Variants in NCR3LG1 observed in about 807,000 individuals in gnomAD.
NCR3LG1 encodes the protein natural killer cell cytotoxicity receptor 3 ligand 1.
NCR3LG1 carries 35 observed loss-of-function variants against 34.8 expected under a neutral mutation model. The observed-to-expected ratio is 1.01, with a 90% CI of 0.77 to 1.33. NCR3LG1 has a LOEUF of 1.33. NCR3LG1 is among the 40% of genes most tolerant of loss of function. NCR3LG1 has a pLI of 0.00. For missense variants in NCR3LG1, 452 were observed against 423.3 expected (o/e 1.07, Z -0.60); for synonymous variants, 173 against 163.6 (o/e 1.06, Z -0.44).
At chr11:17,358,657 T>C (rs1029838135) in intron 2 of NCR3LG1, among the ~76,000 whole-genome samples, 4 of 152,328 alleles carry the variant, frequency 2.6e-5, no homozygotes, top group Admixed American at 1.3e-4. Flanking sequence ...GGGTTACTTA[T>C]GTTCTTCCTC....
chr11:17,367,863 G>C (rs1310801739), intron 3 of NCR3LG1, among the ~76,000 whole-genome samples: 2 of 150,316 alleles, frequency 1.3e-5, no homozygotes, highest in African/African-American at 2.5e-5. Context: ...TTGTTGCCCA[G>C]GCTGGAGTGT....
chr11:17,365,349 T>G (rs1165812436), intron 2 of NCR3LG1, among the ~76,000 whole-genome samples: 1 of 152,238 alleles, frequency 6.6e-6, no homozygotes, highest in East Asian at 1.9e-4. Context: ...CTCTCTCACT[T>G]ATAATCTTCT....
chr11:17,371,122 C>G (rs1953400905), intron 4 of NCR3LG1, among the ~76,000 whole-genome samples: 1 of 151,812 alleles, frequency 6.6e-6, no homozygotes, highest in Non-Finnish European at 1.5e-5. Flanking sequence ...TCAGCATTGC[C>G]CAATGAATTT....
intron 2 of NCR3LG1, among the ~76,000 whole-genome samples, chr11:17,366,060 G>A (rs765850930): frequency 2.0e-5 from 3 of 152,202 alleles, no homozygotes; most frequent in Non-Finnish European, 4.4e-5. Context: ...ATTATAGGGT[G>A]GGAGTGATGA....
At position 17,372,404 on chromosome 11, in the gene NCR3LG1, T is replaced by A. The variant is rs768754182; in HGVS notation, c.1257T>A (p.Asp419Glu). Reference protein sequence around the residue: ...TPREHSDAVPDAPILPVSPIW... With the variant: ...TPREHSDAVPEAPILPVSPIW... ...GGGAACACTCGGATGCAGTTCCGGA[T>A]GCCCCAATCCTTCCTGTCTCCCCTA... is the stretch of plus-strand genomic sequence containing the variant. The change falls in exon 5 of 5, where the codon GAT (aspartate) becomes GAA (glutamate). Residue 419 changes from aspartate (D) to glutamate (E), a missense_variant. Coordinates refer to ENST00000338965, the MANE Select transcript of NCR3LG1 (RefSeq NM_001202439.3). The A allele has an allele frequency of 1.0e-5, 7 of 703,232 alleles. No individual in the cohort carries two copies. The highest frequency in any genetic ancestry group is 4.6e-4 in the Middle Eastern group (2 of 4,372). The allele number at this position is 703,232 out of a possible 1,614,324, so 43.6% of individuals were successfully genotyped here.
At chr11:17,353,463 G>A (rs1953164066) in intron 1 of NCR3LG1, among the ~76,000 whole-genome samples, 1 of 151,354 alleles carries the variant, frequency 6.6e-6, no homozygotes, top group Non-Finnish European at 1.5e-5. Context: ...AAACGCCTCC[G>A]CGCTCTATCA....
intron 3 of NCR3LG1, 80 bp downstream of exon 3, chr11:17,367,427 T>A: frequency 1.7e-6 from 2 of 1,193,152 alleles, no homozygotes; most frequent in Non-Finnish European, 2.3e-6. Flanking sequence ...ACAGCCTGGG[T>A]CTTAGCTGGG....
intron 2 of NCR3LG1, among the ~76,000 whole-genome samples, chr11:17,357,356 T>C (rs929415328): frequency 3.9e-5 from 6 of 152,156 alleles, no homozygotes; most frequent in Admixed American, 2.0e-4. Context: ...CCTCTTCTTA[T>C]AAGGATACCA....
downstream of NCR3LG1, among the ~76,000 whole-genome samples, chr11:17,379,909 C>G (rs1953504977): frequency 6.6e-6 from 1 of 152,112 alleles, no homozygotes; most frequent in Non-Finnish European, 1.5e-5. Flanking sequence ...CGAGAGAGAG[C>G]CTGTGTGAGG....
chr11:17,354,545 CTTTTT>C (rs71047545), intron 1 of NCR3LG1, among the ~76,000 whole-genome samples: 85 of 70,306 alleles, frequency 1.2e-3, no homozygotes, highest in African/African-American at 2.4e-3. Flanking sequence ...AATTCTTCTT[CTTTTT>C]TTTTTTTTTT....
In NCR3LG1 at chr11:17,372,401, G is replaced by A. The variant is rs928338669; in HGVS notation, c.1254G>A (p.Pro418=). The part of the protein sequence containing the change: ...QTPREHSDAV[P]DAPILPVSPI... The stretch of plus-strand genomic sequence containing the variant: ...CTAGGGAACACTCGGATGCAGTTCC[G>A]GATGCCCCAATCCTTCCTGTCTCCC... The change falls in exon 5 of 5, where the codon CCG becomes CCA. Residue 418 remains proline (P), a synonymous_variant. Transcript: ENST00000338965. The A allele has an allele frequency of 1.0e-5, 7 of 703,138 alleles. No individual in the cohort carries two copies. Among genetic ancestry groups the A allele is most frequent in the East Asian group, 2.7e-5 (1 of 37,280 alleles). 43.6% of individuals were successfully genotyped at this position (703,138 alleles called of 1,614,324 possible).
At chr11:17,370,143 C>A (rs2133361835) in intron 4 of NCR3LG1, among the ~76,000 whole-genome samples, 1 of 152,330 alleles carries the variant, frequency 6.6e-6, no homozygotes, top group East Asian at 1.9e-4. Flanking sequence ...TGGGGTGGAG[C>A]TACCAGAAAT....
At chr11:17,369,004 G>A in intron 4 of NCR3LG1, 40 bp downstream of exon 4, 1 of 1,373,696 alleles carries the variant, frequency 7.3e-7, no homozygotes, top group Non-Finnish European at 9.8e-7. Context: ...TGTGTCTTGG[G>A]CTAGTAAAAA....
chr11:17,353,368 G>GA (rs1464421303), intron 1 of NCR3LG1, among the ~76,000 whole-genome samples: 17 of 152,228 alleles, frequency 1.1e-4, no homozygotes, highest in African/African-American at 4.1e-4. Context: ...CGGTGAAGTG[G>GA]AAAGCCAAAA....
In NCR3LG1 at chr11:17,351,805, T is replaced by C; in HGVS notation, c.-165T>C. The C allele has an allele frequency of 1.8e-6, 1 of 544,744 alleles. No individual in the cohort carries two copies. The highest frequency in any genetic ancestry group is 3.2e-6 in the Non-Finnish European group (1 of 308,956). The allele number at this position is 544,744 out of a possible 1,614,324, so 33.7% of individuals were successfully genotyped here. ...TGGGAAATCCAGGCGACTTCGCAGT[T>C]GCCGAAGGGATCTGAAGAAGTGGGA... On this transcript the variant is annotated 5_prime_UTR_variant, in exon 1 of 5. Coordinates refer to ENST00000338965, the MANE Select transcript of NCR3LG1 (RefSeq NM_001202439.3).
chr11:17,356,772 C>A lies in NCR3LG1; in HGVS notation c.192C>A (p.Thr64=). ...TCAACATCACGTCTATGGGTATCAC[C>A]TGGTTTTGGAAGAGTCTGACGTTTG... ...QPLNITSMGI[T]WFWKSLTFDK... Residue 64 remains threonine, a synonymous_variant, in exon 2 of 5, where the codon ACC becomes ACA. Transcript: ENST00000338965. The A allele has an allele frequency of 6.5e-7, 1 of 1,536,322 alleles. No individual in the cohort carries two copies. Among genetic ancestry groups the A allele is most frequent in the Non-Finnish European group, 8.7e-7 (1 of 1,146,938 alleles).
intron 2 of NCR3LG1, among the ~76,000 whole-genome samples, chr11:17,358,085 G>A (rs2133343859): frequency 1.3e-5 from 2 of 152,230 alleles, no homozygotes; most frequent in Middle Eastern, 3.4e-3. Context: ...TAGTATGAGA[G>A]TTCTCATATC....
rs182956328 is a variant in NCR3LG1, at chr11:17,353,368, G to C, written c.70+1329G>C. Among the ~76,000 whole-genome samples the C allele has an allele frequency of 2.2e-3, 332 of 152,344 alleles. 2 individuals carry two copies. The highest frequency in any genetic ancestry group is 0.01 in the Middle Eastern group (3 of 294). On this transcript the variant is annotated intron_variant, in intron 1 of 4. Transcript: ENST00000338965. ...CGAGTGAAGTGTGGGCGGTGAAGTG[G>C]AAAGCCAAAATTGCGCTTGTCTCCG...
chr11:17,356,295 G>A (rs911169715), intron 1 of NCR3LG1, among the ~76,000 whole-genome samples: 2 of 151,596 alleles, frequency 1.3e-5, no homozygotes, highest in African/African-American at 4.8e-5. Context: ...GCACCACCAC[G>A]CCTGGCTAAT....
Sources: gnomAD v4.1 joint callset for allele counts (sites outside exome capture counted in the v4.1 genomes callset) on GRCh38, gnomAD v4.1.1 for gene constraint, MANE v1.5 for transcripts, NCBI Gene and HGNC (gene_info 2026-07-23, HGNC 2026-07-21) for gene names.